Variants in PLCB1 observed in about 807,000 individuals in gnomAD.
The protein encoded by PLCB1 is phospholipase C beta 1.
A neutral mutation model predicts 161.8 loss-of-function variants in PLCB1; 46 were observed. The ratio of observed to expected loss-of-function variants is 0.28; its 90% CI spans 0.22 to 0.36. The LOEUF is 0.36. PLCB1 is among the 10% of genes least tolerant of loss of function. The pLI is 1.00. For missense variants in PLCB1, 1,016 were observed against 1,472.5 expected, an observed-to-expected ratio of 0.69 and a Z score of 5.07; for synonymous variants, 517 against 503.7, an observed-to-expected ratio of 1.03 and a Z score of -0.35.
intron 9 of PLCB1, among the ~76,000 whole-genome samples, chr20:8,678,169 AT>A (rs1394008681): frequency 6.6e-6 from 1 of 152,190 alleles, no homozygotes; most frequent in Non-Finnish European, 1.5e-5. Context: ...TATAGGGAAA[AT>A]TTTAAAAAAT....
intron 3 of PLCB1, among the ~76,000 whole-genome samples, chr20:8,530,460 T>A (rs958103004): frequency 4.6e-5 from 7 of 152,128 alleles, no homozygotes; most frequent in Non-Finnish European, 1.0e-4. Flanking sequence ...ATGAATTGTT[T>A]AGAAGTATGT....
chr20:8,618,870 A>C (rs1600196100), intron 3 of PLCB1, among the ~76,000 whole-genome samples: 1 of 152,322 alleles, frequency 6.6e-6, no homozygotes, highest in African/African-American at 2.4e-5. Context: ...CTGATGGTAT[A>C]TTATTGATTT....
rs551873449 is a variant in PLCB1 at position 8,716,299 on chromosome 20, G to T, written c.1286G>T (p.Arg429Leu). Residue 429 changes from arginine to leucine, a missense_variant, in exon 13 of 32, where the codon CGA becomes CTA. This residue lies in a region of PLCB1 where 56 missense variants were observed against 126.3 expected (regional missense o/e 0.44). Transcript: ENST00000338037. The part of the protein sequence containing the change: ...KQQAKMAEYC[R>L]LIFGDALLME... ...CAAGCCAAGATGGCGGAGTACTGCC[G>T]ACTGATCTTTGGGGATGCCCTTCTC... The T allele has an allele frequency of 3.1e-6, 5 of 1,614,024 alleles. No homozygotes were observed. The South Asian group carries it at 5.5e-5, about 18-fold the overall frequency.
chr20:8,589,501 TTGG>T (rs1325405670), intron 3 of PLCB1, among the ~76,000 whole-genome samples: 1 of 151,968 alleles, frequency 6.6e-6, no homozygotes, highest in East Asian at 1.9e-4. Context: ...GCCAGCAGAT[TTGG>T]GGTCTGATGA....
intron 3 of PLCB1, among the ~76,000 whole-genome samples, chr20:8,393,033 C>T (rs1704552912): frequency 6.6e-6 from 1 of 152,054 alleles, no homozygotes; most frequent in Admixed American, 6.6e-5. Context: ...GATGGAATAA[C>T]CTAACTAATT....
chr20:8,644,165 C>G (rs1382097047), intron 4 of PLCB1, among the ~76,000 whole-genome samples: 6 of 152,214 alleles, frequency 3.9e-5, no homozygotes, highest in Non-Finnish European at 7.3e-5. Context: ...CTCCCAGCCG[C>G]CTGCCTTGGC....
intron 9 of PLCB1, among the ~76,000 whole-genome samples, chr20:8,682,381 G>A (rs1990244742): frequency 6.6e-6 from 1 of 152,100 alleles, no homozygotes; most frequent in Non-Finnish European, 1.5e-5. Context: ...GCATGCCTAT[G>A]GTCCCAGCTA....
At chr20:8,281,687 T>G (rs996707106) in intron 2 of PLCB1, among the ~76,000 whole-genome samples, 2 of 152,104 alleles carry the variant, frequency 1.3e-5, no homozygotes, top group African/African-American at 4.8e-5. Context: ...GCCTTTTACT[T>G]TTTTTTGGTT....
chr20:8,283,395 GTTCAT>G lies in PLCB1; in HGVS notation c.178-87980_178-87976del, dbSNP rs1234504303. 1.6e-4 allele frequency among the ~76,000 whole-genome samples: 24 copies of G among 151,828 alleles called. 1 individual carries two copies. The Middle Eastern group carries it at 0.01, about 65-fold the overall frequency. On this transcript the variant is annotated intron_variant, in intron 2 of 31. Coordinates refer to ENST00000338037, the MANE Select transcript of PLCB1 (RefSeq NM_015192.4). ...ACTGTTACCTTTAATTTTTGGCATA[GTTCAT>G]TTCATTACTTTACTGCATTACATAT...
intron 10 of PLCB1, 53 bp from the exon 11 acceptor site, chr20:8,697,573 C>T (rs573998755): frequency 3.3e-5 from 52 of 1,586,866 alleles, no homozygotes; most frequent in East Asian, 1.6e-4. Flanking sequence ...GAAAGCACCA[C>T]GGTCATCCTT....
At chr20:8,497,386 A>G (rs1161140058) in intron 3 of PLCB1, among the ~76,000 whole-genome samples, 1 of 152,208 alleles carries the variant, frequency 6.6e-6, no homozygotes, top group Non-Finnish European at 1.5e-5. Context: ...CTGTCTGTCT[A>G]AAATTAATTT....
chr20:8,552,664 T>A (rs1385731178), intron 3 of PLCB1, among the ~76,000 whole-genome samples: 1 of 152,166 alleles, frequency 6.6e-6, no homozygotes, highest in African/African-American at 2.4e-5. Context: ...AAATGAAATA[T>A]GGAACCAAAA....
chr20:8,731,767 T>C (rs1166663107), intron 18 of PLCB1, among the ~76,000 whole-genome samples: 1 of 152,038 alleles, frequency 6.6e-6, no homozygotes, highest in Non-Finnish European at 1.5e-5. Flanking sequence ...TATGACTTGC[T>C]AATGTAATTT....
chr20:8,360,893 G>A (rs1194333321), intron 2 of PLCB1, among the ~76,000 whole-genome samples: 1 of 152,150 alleles, frequency 6.6e-6, no homozygotes. Flanking sequence ...AAAAAATTGT[G>A]ATACATTTTG....
chr20:8,421,201 A>G (rs555521104), intron 3 of PLCB1, among the ~76,000 whole-genome samples: 38 of 152,188 alleles, frequency 2.5e-4, no homozygotes, highest in Non-Finnish European at 4.7e-4. Context: ...ATATGTGACA[A>G]AGTTTTGTAT....
intron 31 of PLCB1, among the ~76,000 whole-genome samples, chr20:8,870,861 T>C (rs896198182): frequency 7.9e-5 from 12 of 152,166 alleles, no homozygotes; most frequent in African/African-American, 2.9e-4. Context: ...CCTGAAGTAA[T>C]GTTGTTGAGG....
intron 3 of PLCB1, among the ~76,000 whole-genome samples, chr20:8,578,473 C>T (rs1986741875): frequency 6.6e-6 from 1 of 152,106 alleles, no homozygotes; most frequent in Admixed American, 6.6e-5. Flanking sequence ...TGTTGAGTGA[C>T]CACAAGGGCC....
intron 3 of PLCB1, among the ~76,000 whole-genome samples, chr20:8,434,414 AT>A: frequency 6.6e-6 from 1 of 152,320 alleles, no homozygotes; most frequent in South Asian, 2.1e-4. Context: ...ATATGTAAGC[AT>A]GTAAGGTCAA....
At chr20:8,197,765 T>A (rs191753322) in intron 2 of PLCB1, among the ~76,000 whole-genome samples, 1,648 of 152,284 alleles carry the variant, frequency 0.011, 16 homozygotes, top group Non-Finnish European at 0.018. Context: ...ATTGCCTAGG[T>A]TTTCTTCTAG....
Sources: allele counts gnomAD v4.1 joint callset (sites outside exome capture counted in the v4.1 genomes callset), GRCh38; gene constraint gnomAD v4.1.1; regional missense constraint gnomAD v4.1.1; transcripts MANE v1.5; gene names NCBI Gene and HGNC (gene_info 2026-07-23, HGNC 2026-07-21).